Variants in LTBP1 observed in about 807,000 individuals in gnomAD.
The protein encoded by LTBP1 is latent transforming growth factor beta binding protein 1.
LTBP1 carries 129 observed loss-of-function variants against 207.6 expected under a neutral mutation model. The ratio of observed to expected loss-of-function variants is 0.62; its 90% CI spans 0.54 to 0.72. The LOEUF (loss-of-function observed/expected upper bound fraction) is 0.72, where lower values mean the gene tolerates loss of function less well. LTBP1 is among the 30% of genes least tolerant of loss of function. The pLI is 0.00. For synonymous variants in LTBP1, 963 were observed against 833.7 expected (o/e 1.16, Z -2.67); for missense variants, 2,281 against 2,217.2 (o/e 1.03, Z -0.58).
rs1289416154 is a variant in LTBP1 at position 33,350,283 on chromosome 2, GC to G, written c.4000+2774del. On this transcript the variant is annotated intron_variant, in intron 26 of 33. Coordinates refer to ENST00000404816, the MANE Select transcript of LTBP1 (RefSeq NM_206943.4). ...AGGACAATCTATATTCCAACAATGA[GC>G]AGTAGCATGATAATCTGATGTGGTA... 3.3e-5 allele frequency among the ~76,000 whole-genome samples: 5 copies of G among 152,264 alleles called. No individual in the cohort carries two copies. The East Asian group carries it at 9.7e-4, about 29-fold the overall frequency.
rs367681034 is a variant in LTBP1 at position 33,358,409 on chromosome 2, G to T, written c.4001-2188G>T. ...TATTTGTCTATATATATGTGTGTGTGTTTAAAATGCATAAAATTATATTTA... is the reference window on the plus strand; with the variant it reads ...TATTTGTCTATATATATGTGTGTGTTTTTAAAATGCATAAAATTATATTTA... On this transcript the variant is annotated intron_variant, in intron 26 of 33. Transcript: ENST00000404816. Among the ~76,000 whole-genome samples the T allele has an allele frequency of 1.8e-4, 28 of 151,678 alleles. 1 individual carries two copies. In the South Asian group the frequency reaches 5.6e-3, roughly 30 times the overall value.
intron 4 of LTBP1, among the ~76,000 whole-genome samples, chr2:33,118,916 G>A (rs2080943067): frequency 6.6e-6 from 1 of 152,168 alleles, no homozygotes; most frequent in Non-Finnish European, 1.5e-5. Context: ...AGTAGATATG[G>A]ATTGGTTATA....
chr2:32,955,584 C>T (rs1244755806), intron 2 of LTBP1, among the ~76,000 whole-genome samples: 1 of 151,644 alleles, frequency 6.6e-6, no homozygotes, highest in African/African-American at 2.4e-5. Flanking sequence ...CATAGAGTGC[C>T]TTTTAAAAAA....
chr2:33,344,367 T>A (rs553044508), intron 25 of LTBP1, among the ~76,000 whole-genome samples: 3 of 152,302 alleles, frequency 2.0e-5, no homozygotes, highest in South Asian at 4.1e-4. Context: ...ACCAGTTGGG[T>A]CTTGTGATGT....
At chr2:33,189,635 T>G (rs892603676) in intron 7 of LTBP1, among the ~76,000 whole-genome samples, 1 of 152,260 alleles carries the variant, frequency 6.6e-6, no homozygotes, top group Admixed American at 6.5e-5. Flanking sequence ...TTTTGCCTTT[T>G]GCAGTAGTTT....
Position 33,253,221 on chromosome 2 carries a change from A to G in LTBP1, c.2167+377A>G, listed in dbSNP as rs144271422. On this transcript the variant is annotated intron_variant, in intron 11 of 33. Coordinates refer to ENST00000404816, the MANE Select transcript of LTBP1 (RefSeq NM_206943.4). ...ATTCACAGTAACTAGACTTTGTGCA[A>G]GTTGACTCATTTACTCATTTATTGA... Among the ~76,000 whole-genome samples the G allele has an allele frequency of 5.1e-4, 78 of 152,284 alleles. No homozygotes were observed. The East Asian group carries it at 0.015, about 29-fold the overall frequency.
At chr2:33,277,421 A>G (rs181550089) in intron 18 of LTBP1, among the ~76,000 whole-genome samples, 2 of 152,324 alleles carry the variant, frequency 1.3e-5, no homozygotes, top group Non-Finnish European at 1.5e-5. Flanking sequence ...CCACGCCCAC[A>G]GTAACTGCCT....
intron 2 of LTBP1, among the ~76,000 whole-genome samples, chr2:33,018,272 G>C (rs1325699599): frequency 1.3e-5 from 2 of 151,682 alleles, no homozygotes; most frequent in Non-Finnish European, 2.9e-5. Flanking sequence ...GGTTCTTGCG[G>C]CTCATTCTTG....
intron 5 of LTBP1, among the ~76,000 whole-genome samples, chr2:33,149,491 G>A (rs2083344087): frequency 6.6e-6 from 1 of 152,132 alleles, no homozygotes; most frequent in African/African-American, 2.4e-5. Flanking sequence ...TTCCTTTGAT[G>A]ATGGTGCCAG....
At chr2:33,152,240 A>G (rs963740151) in intron 5 of LTBP1, among the ~76,000 whole-genome samples, 1 of 152,166 alleles carries the variant, frequency 6.6e-6, no homozygotes, top group Non-Finnish European at 1.5e-5. Context: ...AAACAATCCC[A>G]TCAAAAAGTT....
chr2:33,252,974 C>T (rs2092725189), intron 11 of LTBP1, 130 bp downstream of exon 11: 1 of 704,048 alleles, frequency 1.4e-6, no homozygotes, highest in East Asian at 2.8e-5. Flanking sequence ...TATTTAATCA[C>T]CTTTGTAGAA....
intron 9 of LTBP1, among the ~76,000 whole-genome samples, chr2:33,232,981 G>A (rs534918422): frequency 6.6e-6 from 1 of 152,078 alleles, no homozygotes; most frequent in Admixed American, 6.6e-5. Flanking sequence ...TCTCTCTTTT[G>A]AGATAATCTC....
intron 26 of LTBP1, among the ~76,000 whole-genome samples, chr2:33,348,448 A>G (rs2094733760): frequency 6.6e-6 from 1 of 152,214 alleles, no homozygotes; most frequent in Non-Finnish European, 1.5e-5. Flanking sequence ...ACAGGTTATT[A>G]CTGGTGGGAG....
chr2:33,358,064 G>A (rs1439512013), intron 26 of LTBP1, among the ~76,000 whole-genome samples: 1 of 152,148 alleles, frequency 6.6e-6, no homozygotes, highest in Non-Finnish European at 1.5e-5. Flanking sequence ...TAGGGAAATT[G>A]TAGCTTTTCC....
At chr2:33,178,766 C>T (rs2086323621) in intron 5 of LTBP1, among the ~76,000 whole-genome samples, 1 of 152,156 alleles carries the variant, frequency 6.6e-6, no homozygotes, top group African/African-American at 2.4e-5. Context: ...GGTATCTCAC[C>T]ACCATGTTGG....
chr2:33,165,208 A>G (rs899796870), intron 5 of LTBP1, among the ~76,000 whole-genome samples: 2 of 152,178 alleles, frequency 1.3e-5, no homozygotes, highest in African/African-American at 4.8e-5. Flanking sequence ...AAGAAAGCAT[A>G]TTGGAGGGAT....
intron 19 of LTBP1, among the ~76,000 whole-genome samples, chr2:33,287,985 T>C (rs1413949685): frequency 3.3e-5 from 5 of 152,082 alleles, no homozygotes; most frequent in African/African-American, 1.2e-4. Context: ...AGTTGAGGAG[T>C]CGCTGGAGTA....
intron 5 of LTBP1, among the ~76,000 whole-genome samples, chr2:33,180,136 C>T (rs190351637): frequency 2.6e-5 from 4 of 152,362 alleles, no homozygotes; most frequent in African/African-American, 9.6e-5. Flanking sequence ...CTTCCTTGGA[C>T]AGGTTGTTCT....
chr2:33,392,877 C>CTT (rs879653997), intron 32 of LTBP1, among the ~76,000 whole-genome samples: 4 of 142,174 alleles, frequency 2.8e-5, no homozygotes, highest in Non-Finnish European at 4.6e-5. Flanking sequence ...TGTGGTGTCA[C>CTT]TTTTTTTTTT....
Sources: allele counts gnomAD v4.1 joint callset (sites outside exome capture counted in the v4.1 genomes callset), GRCh38; gene constraint gnomAD v4.1.1; transcripts MANE v1.5; gene names NCBI Gene and HGNC (gene_info 2026-07-23, HGNC 2026-07-21).